Variants in ENOX1 observed in about 807,000 individuals in gnomAD.
The protein encoded by ENOX1 is candidate growth-related and time keeping constitutive hydroquinone (NADH) oxidase.
Under a neutral mutation model 82.5 loss-of-function variants are expected in ENOX1, and 42 were observed. That is an observed-to-expected ratio of 0.51 (90% confidence interval 0.40 to 0.66). The LOEUF is 0.66. Ranked by LOEUF, ENOX1 falls within the 30% of genes least tolerant of loss-of-function variation. The pLI, the probability that ENOX1 is intolerant of heterozygous loss-of-function variation, is 0.00. For missense variants in ENOX1, 608 were observed against 811.6 expected, an observed-to-expected ratio of 0.75 and a Z score of 3.05; for synonymous variants, 271 against 282.2, an observed-to-expected ratio of 0.96 and a Z score of 0.40.
At chr13:43,367,479 G>A (rs191283956) in intron 5 of ENOX1, among the ~76,000 whole-genome samples, 1 of 152,220 alleles carries the variant, frequency 6.6e-6, no homozygotes, top group East Asian at 1.9e-4. Flanking sequence ...CACACAGGGA[G>A]AATGCAATAT....
intron 8 of ENOX1, among the ~76,000 whole-genome samples, chr13:43,349,029 A>G (rs1924636): frequency 0.98 from 148,821 of 152,340 alleles, 72,775 homozygotes; most frequent in East Asian, 1. Flanking sequence ...TATCCCCCAA[A>G]GGTAAGGGGA....
chr13:43,452,679 C>T (rs185281327), intron 3 of ENOX1, among the ~76,000 whole-genome samples: 24 of 152,208 alleles, frequency 1.6e-4, no homozygotes, highest in African/African-American at 5.8e-4. Flanking sequence ...CCCGCCACCA[C>T]ACCTGGCTAA....
Position 43,667,599 on chromosome 13 carries a change from G to C in ENOX1, c.-284-55C>G, listed in dbSNP as rs1403990118. 8.6e-6 allele frequency: 5 copies of C among 579,128 alleles called. No individual in the cohort carries two copies. In the Admixed American group the frequency reaches 3.2e-4, roughly 37 times the overall value. The allele number at this position is 579,128 out of a possible 1,614,324, so 35.9% of individuals were successfully genotyped here. On this transcript the variant is annotated intron_variant, in intron 1 of 16. Coordinates refer to ENST00000690772, the MANE Select transcript of ENOX1 (RefSeq NM_001347969.2). The stretch of plus-strand genomic sequence containing the variant: ...AAACTTCAAACATCAATTTCAGAGA[G>C]CTGACTGAACATATATATGTAAGCA...
chr13:43,480,865 C>A lies in ENOX1; in HGVS notation c.-75+3144G>T, dbSNP rs573270572. 3.9e-5 allele frequency among the ~76,000 whole-genome samples: 6 copies of A among 152,178 alleles called. No individual in the cohort carries two copies. The East Asian group carries it at 1.2e-3, about 29-fold the overall frequency. ...GATTGAGTCAGTAGTTAGCAATCTT[C>A]CAACAAAGAAAAGTCCTATATCAGA... On this transcript the variant is annotated intron_variant, in intron 3 of 16. Coordinates refer to ENST00000690772, the MANE Select transcript of ENOX1 (RefSeq NM_001347969.2).
chr13:43,487,555 C>T (rs1411100604), intron 2 of ENOX1, among the ~76,000 whole-genome samples: 9 of 152,172 alleles, frequency 5.9e-5, no homozygotes, highest in Non-Finnish European at 1.2e-4. Flanking sequence ...GGTACACGAT[C>T]CCATGGGGTC....
intron 1 of ENOX1, among the ~76,000 whole-genome samples, chr13:43,707,843 G>GA (rs1452062572): frequency 6.7e-6 from 1 of 149,984 alleles, no homozygotes; most frequent in African/African-American, 2.5e-5. Flanking sequence ...TATAACGACA[G>GA]AAAAAAAGAT....
At chr13:43,618,639 A>G (rs2082588312) in intron 2 of ENOX1, among the ~76,000 whole-genome samples, 1 of 151,938 alleles carries the variant, frequency 6.6e-6, no homozygotes, top group East Asian at 1.9e-4. Context: ...TTTGGTGACT[A>G]TGGCCTTATA....
At chr13:43,307,540 T>C (rs2046937751) in intron 11 of ENOX1, among the ~76,000 whole-genome samples, 1 of 152,212 alleles carries the variant, frequency 6.6e-6, no homozygotes, top group Non-Finnish European at 1.5e-5. Context: ...TTTCTTTCAT[T>C]AGTTTTTCAT....
chr13:43,296,976 A>G (rs547909340), intron 12 of ENOX1, among the ~76,000 whole-genome samples: 2 of 152,298 alleles, frequency 1.3e-5, no homozygotes, highest in Admixed American at 6.5e-5. Flanking sequence ...CAGAAGTCTC[A>G]CACAGCAGCT....
rs138879011 is a variant in ENOX1, at chr13:43,237,468, G to T, written c.1612-730C>A. Reference sequence around the variant, plus strand: ...GAAAGTCAAATTAATGATCTGCATAGATGACCTGCATATATGGGATAGTAG... The same window carrying T: ...GAAAGTCAAATTAATGATCTGCATATATGACCTGCATATATGGGATAGTAG... On this transcript the variant is annotated intron_variant, in intron 14 of 16. Coordinates refer to ENST00000690772, the MANE Select transcript of ENOX1 (RefSeq NM_001347969.2). Among the ~76,000 whole-genome samples the T allele has an allele frequency of 4.4e-4, 67 of 152,296 alleles. 1 individual carries two copies. The highest frequency in any genetic ancestry group is 1.6e-3 in the African/African-American group (65 of 41,566).
chr13:43,545,335 T>C (rs954104680), intron 2 of ENOX1: 7 of 152,266 alleles, frequency 4.6e-5, no homozygotes, highest in Admixed American at 6.5e-5. Flanking sequence ...GCAATTGTTA[T>C]GCAACTAGCC....
intron 3 of ENOX1, among the ~76,000 whole-genome samples, chr13:43,473,718 C>T (rs1172995308): frequency 6.6e-6 from 1 of 152,136 alleles, no homozygotes; most frequent in Non-Finnish European, 1.5e-5. Flanking sequence ...GAAGAGAAAG[C>T]TGGTTGGCAA....
chr13:43,716,387 A>G (rs1157705915), intron 1 of ENOX1, among the ~76,000 whole-genome samples: 1 of 152,136 alleles, frequency 6.6e-6, no homozygotes, highest in Non-Finnish European at 1.5e-5. Flanking sequence ...GCTCAGATGG[A>G]AATGCAGAAA....
At chr13:43,723,844 G>C (rs563768605) in intron 1 of ENOX1, among the ~76,000 whole-genome samples, 1 of 151,722 alleles carries the variant, frequency 6.6e-6, no homozygotes, top group Non-Finnish European at 1.5e-5. Context: ...AGAAAAAAAA[G>C]AAAATGAGAC....
intron 1 of ENOX1, among the ~76,000 whole-genome samples, chr13:43,696,910 C>A (rs528771979): frequency 3.3e-5 from 5 of 149,568 alleles, no homozygotes; most frequent in African/African-American, 1.2e-4. Context: ...ATGTCTTAAA[C>A]AAGCAGAAAT....
At chr13:43,508,755 A>G (rs958430396) in intron 2 of ENOX1, among the ~76,000 whole-genome samples, 1 of 151,864 alleles carries the variant, frequency 6.6e-6, no homozygotes, top group Non-Finnish European at 1.5e-5. Context: ...TACTTGATTC[A>G]GCCAATATTA....
chr13:43,496,711 T>A (rs935268605), intron 2 of ENOX1, among the ~76,000 whole-genome samples: 1 of 152,184 alleles, frequency 6.6e-6, no homozygotes, highest in Non-Finnish European at 1.5e-5. Flanking sequence ...TTCTCCTATA[T>A]GTAACAAAAT....
chr13:43,496,711 T>C (rs935268605), intron 2 of ENOX1, among the ~76,000 whole-genome samples: 1 of 152,184 alleles, frequency 6.6e-6, no homozygotes, highest in African/African-American at 2.4e-5. Flanking sequence ...TTCTCCTATA[T>C]GTAACAAAAT....
chr13:43,584,016 T>C (rs533736871), intron 2 of ENOX1, among the ~76,000 whole-genome samples: 4 of 152,206 alleles, frequency 2.6e-5, no homozygotes, highest in Non-Finnish European at 5.9e-5. Flanking sequence ...GATGAAGAGT[T>C]AGAATCTGAA....
Sources: gnomAD v4.1 joint callset for allele counts (sites outside exome capture counted in the v4.1 genomes callset) on GRCh38, gnomAD v4.1.1 for gene constraint, MANE v1.5 for transcripts, NCBI Gene and HGNC (gene_info 2026-07-23, HGNC 2026-07-21) for gene names.